The following C11orf87 variants were observed in gnomAD, a reference collection of about 807,000 sequenced individuals.
C11orf87 encodes chromosome 11 open reading frame 87.
A neutral mutation model predicts 9.2 loss-of-function variants in C11orf87; 3 were observed. That is an observed-to-expected ratio of 0.33 (90% CI 0.15 to 0.84). C11orf87 has a LOEUF of 0.84. Ranked by LOEUF, C11orf87 falls within the 40% of genes least tolerant of loss-of-function variation. C11orf87 has a pLI of 0.55. For missense variants in C11orf87, 256 were observed against 270.7 expected (o/e 0.95, Z 0.38); for synonymous variants, 124 against 124.6 (o/e 1.00, Z 0.03).
rs188749508 is a variant in C11orf87 at position 109,426,600 on chromosome 11, G to C, written c.*2373G>C. The C allele has an allele frequency of 6.6e-6, 1 of 152,138 alleles. No homozygotes were observed. The highest frequency in any genetic ancestry group is 6.5e-5 in the Admixed American group (1 of 15,278). 9.4% of individuals were successfully genotyped at this position (152,138 alleles called of 1,614,324 possible). A position where few individuals can be genotyped will look rare whatever the true frequency, so the allele number is the denominator to read the frequency against. ...TCTCCAGTGCCTTAGTCACTTCCTA[G>C]TAATAGGTAAAAGAGTGCATTAACT... On this transcript the variant is annotated 3_prime_UTR_variant, in exon 2 of 2. Transcript: ENST00000327419.
Position 109,423,730 on chromosome 11 carries a change from A to T in C11orf87, c.97A>T (p.Thr33Ser). 6.2e-7 allele frequency: 1 copy of T among 1,613,706 alleles called. No individual in the cohort carries two copies. The highest frequency in any genetic ancestry group is 1.7e-4 in the Middle Eastern group (1 of 6,036). The change falls in exon 2 of 2, where the codon ACG becomes TCG. Residue 33 changes from threonine (T) to serine (S), a missense_variant. Transcript: ENST00000327419. This position sits in a 1 kb window ranked among gnomAD's most constrained non-coding sequence, Gnocchi z 5.3. ...CCCCAACGCCAGCGGCAGCGGCAAC[A>T]CGGGTGCCCGCGGCCCAGGCGCAGT... ...ASPNASGSGN[T>S]GARGPGAVGS... is the part of the protein sequence containing the mutation.
rs1179838904 is a variant in C11orf87 at position 109,427,564 on chromosome 11, C to A, written c.*3337C>A. ...TCATTTTTATGAAACAAAAGGCAATCTGGAAATAGCTAAATTTATTTTAAG... is the reference window on the plus strand; with the variant it reads ...TCATTTTTATGAAACAAAAGGCAATATGGAAATAGCTAAATTTATTTTAAG... On this transcript the variant is annotated 3_prime_UTR_variant, in exon 2 of 2. Coordinates refer to ENST00000327419, the MANE Select transcript of C11orf87 (RefSeq NM_207645.4). 6.6e-6 allele frequency: 1 copy of A among 152,124 alleles called. No individual in the cohort carries two copies. Among genetic ancestry groups the A allele is most frequent in the Non-Finnish European group, 1.5e-5 (1 of 67,992 alleles). 9.4% of individuals were successfully genotyped at this position (152,124 alleles called of 1,614,324 possible).
intron 1 of C11orf87, among the ~76,000 whole-genome samples, chr11:109,422,671 AG>A (rs113860216): frequency 4.1e-3 from 502 of 123,492 alleles, no homozygotes; most frequent in African/African-American, 0.015. Context: ...GGAAATGGGG[AG>A]GAGGGGGCCG....
In C11orf87 at chr11:109,425,600, C is replaced by CTT. The variant is rs2134828182; in HGVS notation, c.*1375_*1376dup. The CTT allele has an allele frequency of 6.0e-6, 1 of 166,052 alleles. No individual in the cohort carries two copies. The highest frequency in any genetic ancestry group is 1.9e-4 in the East Asian group (1 of 5,188). 10.3% of individuals were successfully genotyped at this position (166,052 alleles called of 1,614,324 possible). On this transcript the variant is annotated 3_prime_UTR_variant, in exon 2 of 2. Transcript: ENST00000327419. The stretch of plus-strand genomic sequence containing the variant: ...CTGTTATAAAAAGATGACACACACG[C>CTT]TTTATTTTTTCTTTTGCAAATAATA...
rs761929359 is a variant in C11orf87 at position 109,423,144 on chromosome 11, C to T, written c.-259-231C>T. Among the ~76,000 whole-genome samples, 1 of 152,200 alleles carries T rather than the reference C, an allele frequency of 6.6e-6. No individual in the cohort carries two copies. Among genetic ancestry groups the T allele is most frequent in the Non-Finnish European group, 1.5e-5 (1 of 68,040 alleles). On this transcript the variant is annotated intron_variant, in intron 1 of 1. Transcript: ENST00000327419. This position sits in a 1 kb window ranked among gnomAD's most constrained non-coding sequence, Gnocchi z 5.3. ...TGCCTTATCTGCTGAGTAATCTGCA[C>T]CTCCGCGGTGCCGGCGCAGACCCCA...
Position 109,424,457 on chromosome 11 carries a change from T to C in C11orf87, c.*230T>C. ...AGAAATAACGCTGATAATAATACTT[T>C]ATTAATATTTATAGTAATTATTATA... On this transcript the variant is annotated 3_prime_UTR_variant, in exon 2 of 2. Transcript: ENST00000327419. The surrounding 1 kb of genome is among the most constrained non-coding windows in gnomAD (Gnocchi z 4.7). The C allele has an allele frequency of 1.8e-5, 6 of 342,620 alleles. No homozygotes were observed. The allele number at this position is 342,620 out of a possible 1,614,324, so 21.2% of individuals were successfully genotyped here.
rs373010571 is a variant in C11orf87 at position 109,424,026 on chromosome 11, G to C, written c.393G>C (p.Leu131=). 3.1e-6 allele frequency: 5 copies of C among 1,614,044 alleles called. No homozygotes were observed. Among genetic ancestry groups the C allele is most frequent in the Non-Finnish European group, 4.2e-6 (5 of 1,180,008 alleles). Residue 131 remains leucine, a synonymous_variant, in exon 2 of 2, where the codon CTG becomes CTC. Transcript: ENST00000327419. This position sits in a 1 kb window ranked among gnomAD's most constrained non-coding sequence, Gnocchi z 4.7. ...QAPTHAKETR[L]ERQPRDSPFC... ...CAACCCACGCAAAGGAAACCCGGCT[G>C]GAGAGGCAGCCCCGGGACTCTCCCT...
At position 109,423,614 on chromosome 11, in the gene C11orf87, C is replaced by T. The variant is rs777656497; in HGVS notation, c.-20C>T. ...AAGAGGGGAAGCCTAGTGGGCCTGG[C>T]CCCTCCCAGCCCCGCGCCAATGAGT... On this transcript the variant is annotated 5_prime_UTR_variant, in exon 2 of 2. Coordinates refer to ENST00000327419, the MANE Select transcript of C11orf87 (RefSeq NM_207645.4). This position sits in a 1 kb window ranked among gnomAD's most constrained non-coding sequence, Gnocchi z 5.3. 3.2e-6 allele frequency: 5 copies of T among 1,574,518 alleles called. No individual in the cohort carries two copies. Among genetic ancestry groups the T allele is most frequent in the Non-Finnish European group, 4.3e-6 (5 of 1,168,748 alleles).
chr11:109,427,966 A>C lies in C11orf87; in HGVS notation c.*3739A>C, dbSNP rs553413518. The C allele has an allele frequency of 1.3e-5, 2 of 152,174 alleles. No homozygotes were observed. The highest frequency in any genetic ancestry group is 3.9e-4 in the East Asian group (2 of 5,184). The allele number at this position is 152,174 out of a possible 1,614,324, so 9.4% of individuals were successfully genotyped here. A position where few individuals can be genotyped will look rare whatever the true frequency, so the allele number is the denominator to read the frequency against. The stretch of plus-strand genomic sequence containing the variant: ...ACTGAAAAGTCCGGTATGTGCATGC[A>C]CTTGTTTCTCTGGGGTCAAATCTGA... On this transcript the variant is annotated 3_prime_UTR_variant, in exon 2 of 2. Transcript: ENST00000327419.
In C11orf87 at chr11:109,424,137, G is replaced by A. The variant is rs1295574975; in HGVS notation, c.504G>A (p.Pro168=). Residue 168 remains proline (P), a synonymous_variant, in exon 2 of 2, where the codon CCG becomes CCA. Transcript: ENST00000327419. This position sits in a 1 kb window ranked among gnomAD's most constrained non-coding sequence, Gnocchi z 4.7. The part of the protein sequence containing the change: ...CQGPCAPPPP[P]PASSPQGAHA... The stretch of plus-strand genomic sequence containing the variant: ...GTCCCTGTGCTCCTCCGCCTCCACC[G>A]CCAGCCTCCAGTCCCCAAGGAGCAC... The A allele has an allele frequency of 3.1e-6, 5 of 1,613,812 alleles. No individual in the cohort carries two copies. Among genetic ancestry groups the A allele is most frequent in the Non-Finnish European group, 4.2e-6 (5 of 1,180,002 alleles).
rs531630237 is a variant in C11orf87 at position 109,428,520 on chromosome 11, T to G, written c.*4293T>G. The G allele has an allele frequency of 2.6e-5, 4 of 152,268 alleles. No homozygotes were observed. The South Asian group carries it at 8.3e-4, about 32-fold the overall frequency. The allele number at this position is 152,268 out of a possible 1,614,324, so 9.4% of individuals were successfully genotyped here. ...ATTATGTGGAAGTTACAGGTTAAAG[T>G]AGAACCAGAAATTTTAATATAATCT... On this transcript the variant is annotated 3_prime_UTR_variant, in exon 2 of 2. Transcript: ENST00000327419.
In C11orf87 at chr11:109,423,741, C is replaced by A; in HGVS notation, c.108C>A (p.Arg36=). ...NASGSGNTGA[R]GPGAVGSGTC... is the part of the protein sequence containing the mutation. ...GCGGCAGCGGCAACACGGGTGCCCGCGGCCCAGGCGCAGTAGGCAGCGGCA... is the reference window on the plus strand; with the variant it reads ...GCGGCAGCGGCAACACGGGTGCCCGAGGCCCAGGCGCAGTAGGCAGCGGCA... The change falls in exon 2 of 2, where the codon CGC becomes CGA. Residue 36 remains arginine, a synonymous_variant. Coordinates refer to ENST00000327419, the MANE Select transcript of C11orf87 (RefSeq NM_207645.4). This position sits in a 1 kb window ranked among gnomAD's most constrained non-coding sequence, Gnocchi z 5.3. 6.2e-7 allele frequency: 1 copy of A among 1,613,816 alleles called. No homozygotes were observed. The highest frequency in any genetic ancestry group is 1.1e-5 in the South Asian group (1 of 91,072).
Position 109,423,496 on chromosome 11 carries a change from CT to C in C11orf87, c.-136del, listed in dbSNP as rs1565250021. 1 of 890,304 alleles carries C rather than the reference CT, an allele frequency of 1.1e-6. No homozygotes were observed. Among genetic ancestry groups the C allele is most frequent in the Admixed American group, 2.9e-5 (1 of 34,330 alleles). 55.2% of individuals were successfully genotyped at this position (890,304 alleles called of 1,614,324 possible). ...CTTGCCAGCAGTTGCTCCCTTAGTC[CT>C]TGGCTCGCTCGCACACCCCCTCCCG... On this transcript the variant is annotated 5_prime_UTR_variant, in exon 2 of 2. Coordinates refer to ENST00000327419, the MANE Select transcript of C11orf87 (RefSeq NM_207645.4). The surrounding 1 kb of genome is among the most constrained non-coding windows in gnomAD (Gnocchi z 5.3).
chr11:109,422,728 T>C (rs1280984459), intron 1 of C11orf87, among the ~76,000 whole-genome samples: 1 of 141,988 alleles, frequency 7.0e-6, no homozygotes, highest in Non-Finnish European at 1.5e-5. Flanking sequence ...GCTGCTTTTT[T>C]TTTTTTTTTT....
intron 1 of C11orf87, among the ~76,000 whole-genome samples, chr11:109,422,940 C>T (rs1197127522): frequency 2.0e-5 from 3 of 151,578 alleles, no homozygotes; most frequent in South Asian, 2.1e-4. Flanking sequence ...GGGAGGACTG[C>T]GTACCCGGAG....
At position 109,423,407 on chromosome 11, in the gene C11orf87, G is replaced by T; in HGVS notation, c.-227G>T. 1 of 580,602 alleles carries T rather than the reference G, an allele frequency of 1.7e-6. No individual in the cohort carries two copies. The highest frequency in any genetic ancestry group is 3.2e-5 in the Admixed American group (1 of 31,210). The allele number at this position is 580,602 out of a possible 1,614,324, so 36.0% of individuals were successfully genotyped here. A position where few individuals can be genotyped will look rare whatever the true frequency, so the allele number is the denominator to read the frequency against. On this transcript the variant is annotated 5_prime_UTR_variant, in exon 2 of 2. Transcript: ENST00000327419. This position sits in a 1 kb window ranked among gnomAD's most constrained non-coding sequence, Gnocchi z 5.3. ...CCTCTGCAAAGGAAAGGGGAGCGTGGAGACGTGTTCGAGGTGGTATCGGCG... is the reference window on the plus strand; with the variant it reads ...CCTCTGCAAAGGAAAGGGGAGCGTGTAGACGTGTTCGAGGTGGTATCGGCG...
At position 109,427,168 on chromosome 11, in the gene C11orf87, A is replaced by G. The variant is rs1860584245; in HGVS notation, c.*2941A>G. 6.6e-6 allele frequency: 1 copy of G among 152,118 alleles called. No individual in the cohort carries two copies. The highest frequency in any genetic ancestry group is 2.1e-4 in the South Asian group (1 of 4,832). The allele number at this position is 152,118 out of a possible 1,614,324, so 9.4% of individuals were successfully genotyped here. ...ATATTGTAAAACAAATGATCTCAAT[A>G]CCTCTCAACGTGGGCACACATCTGT... On this transcript the variant is annotated 3_prime_UTR_variant, in exon 2 of 2. Transcript: ENST00000327419.
At position 109,423,869 on chromosome 11, in the gene C11orf87, T is replaced by C; in HGVS notation, c.236T>C (p.Leu79Pro). The C allele has an allele frequency of 6.2e-7, 1 of 1,614,080 alleles. No homozygotes were observed. The highest frequency in any genetic ancestry group is 8.5e-7 in the Non-Finnish European group (1 of 1,179,966). Residue 79 changes from leucine (L) to proline (P), a missense_variant, in exon 2 of 2, where the codon CTC becomes CCC. Transcript: ENST00000327419. The surrounding 1 kb of genome is among the most constrained non-coding windows in gnomAD (Gnocchi z 5.3). The part of the protein sequence containing the change: ...TLIFCLIVLS[L>P]STFHIHKRRM... Reference sequence around the variant, plus strand: ...ATCTTCTGCCTCATCGTGCTGTCCCTCTCCACTTTCCACATCCACAAGCGT... The same window carrying C: ...ATCTTCTGCCTCATCGTGCTGTCCCCCTCCACTTTCCACATCCACAAGCGT...
rs180965433 is a variant in C11orf87, at chr11:109,428,286, A to G, written c.*4059A>G. 1 of 152,316 alleles carries G rather than the reference A, an allele frequency of 6.6e-6. No individual in the cohort carries two copies. Among genetic ancestry groups the G allele is most frequent in the Admixed American group, 6.5e-5 (1 of 15,300 alleles). The allele number at this position is 152,316 out of a possible 1,614,324, so 9.4% of individuals were successfully genotyped here. ...GCATAGCTAAAGGTAAAGTGAAAAT[A>G]TGACCATTATCTGTTTAGTTTGAGA... On this transcript the variant is annotated 3_prime_UTR_variant, in exon 2 of 2. Transcript: ENST00000327419.
Sources: gnomAD v4.1 joint callset for allele counts (sites outside exome capture counted in the v4.1 genomes callset) on GRCh38, gnomAD v4.1.1 for gene constraint, Gnocchi (gnomAD v3.1) non-coding constraint, MANE v1.5 for transcripts, NCBI Gene and HGNC (gene_info 2026-07-23, HGNC 2026-07-21) for gene names.